Variants in PDLIM5 observed in about 807,000 individuals in gnomAD.
PDLIM5 encodes the protein PDZ and LIM domain protein 5.
Under a neutral mutation model 64.2 loss-of-function variants are expected in PDLIM5, and 34 were observed. The observed-to-expected ratio is 0.53, with a 90% CI of 0.40 to 0.71. The LOEUF (loss-of-function observed/expected upper bound fraction) is 0.71, where lower values mean the gene tolerates loss of function less well. PDLIM5 is among the 30% of genes least tolerant of loss of function. The probability of loss-of-function intolerance (pLI) is 0.00; values close to 1 mark genes in which losing one functional copy is unlikely to be tolerated. For missense variants in PDLIM5, 683 were observed against 733.6 expected (o/e 0.93, Z 0.80); for synonymous variants, 253 against 269.1 (o/e 0.94, Z 0.59).
intron 7 of PDLIM5, among the ~76,000 whole-genome samples, chr4:94,611,572 AATG>A (rs1738369104): frequency 6.6e-6 from 1 of 152,206 alleles, no homozygotes. Context: ...TGAAAATGAT[AATG>A]ATCAATTTTG....
chr4:94,609,839 A>G (rs1427270003), intron 7 of PDLIM5, among the ~76,000 whole-genome samples: 5 of 152,184 alleles, frequency 3.3e-5, no homozygotes, highest in South Asian at 4.1e-4. Flanking sequence ...TTTATTTTCT[A>G]CTAAGTTGTT....
At chr4:94,577,328 A>G (rs942537521) in intron 5 of PDLIM5, 16 of 456,400 alleles carry the variant, frequency 3.5e-5, no homozygotes, top group Non-Finnish European at 6.6e-5. Flanking sequence ...CACTGCTGCC[A>G]TGGCAACTTT....
At chr4:94,614,033 G>T (rs912178773) in intron 7 of PDLIM5, among the ~76,000 whole-genome samples, 4 of 142,788 alleles carry the variant, frequency 2.8e-5, no homozygotes, top group Non-Finnish European at 6.0e-5. Flanking sequence ...TGCGATCTCA[G>T]TTCACTGCAA....
rs181871519 is a variant in PDLIM5 at position 94,490,068 on chromosome 4, T to G, written c.97-33656T>G. Among the ~76,000 whole-genome samples, 1,134 of 150,308 alleles carry G rather than the reference T, an allele frequency of 7.5e-3. 8 individuals are homozygous for G. The highest frequency in any genetic ancestry group is 0.025 in the African/African-American group (1,011 of 41,106). On this transcript the variant is annotated intron_variant, in intron 2 of 12. Coordinates refer to ENST00000317968, the MANE Select transcript of PDLIM5 (RefSeq NM_006457.5). Reference sequence around the variant, plus strand: ...ATTTTTAAATGAATGTTTTTGTGGGTTTTTTTTTGCCTAATATATATTTTT... The same window carrying G: ...ATTTTTAAATGAATGTTTTTGTGGGGTTTTTTTTGCCTAATATATATTTTT...
chr4:94,501,924 C>T (rs1327894888), intron 2 of PDLIM5, among the ~76,000 whole-genome samples: 3 of 152,182 alleles, frequency 2.0e-5, no homozygotes, highest in African/African-American at 7.2e-5. Context: ...TCTGGATGAG[C>T]CTACTAATGG....
chr4:94,649,768 C>T (rs973739534), intron 9 of PDLIM5, among the ~76,000 whole-genome samples: 7 of 152,174 alleles, frequency 4.6e-5, no homozygotes, highest in African/African-American at 1.4e-4. Flanking sequence ...TACATTTATC[C>T]TGCTTTGCAG....
At chr4:94,639,093 A>C (rs1218282873) in intron 8 of PDLIM5, among the ~76,000 whole-genome samples, 1 of 152,164 alleles carries the variant, frequency 6.6e-6, no homozygotes. Context: ...TTAAACAATA[A>C]AGTAGTGGTT....
chr4:94,611,193 AAAAC>A (rs1738336904), intron 7 of PDLIM5: 1 of 1,534,748 alleles, frequency 6.5e-7, no homozygotes, highest in Non-Finnish European at 8.7e-7. Context: ...CCATGTTAAG[AAAAC>A]AAGGTACTGT....
At chr4:94,462,489 A>G (rs1723987885) in intron 2 of PDLIM5, among the ~76,000 whole-genome samples, 1 of 151,752 alleles carries the variant, frequency 6.6e-6, no homozygotes, top group African/African-American at 2.4e-5. Context: ...GTTCCTATTG[A>G]TAGACAATTA....
chr4:94,590,399 ATATT>A (rs1463520655), intron 7 of PDLIM5, among the ~76,000 whole-genome samples: 1 of 152,202 alleles, frequency 6.6e-6, no homozygotes, highest in East Asian at 1.9e-4. Flanking sequence ...TAAATTGTAA[ATATT>A]TACTCATTGC....
intron 3 of PDLIM5, among the ~76,000 whole-genome samples, chr4:94,559,540 A>T (rs1358240124): frequency 6.6e-6 from 1 of 152,218 alleles, no homozygotes; most frequent in African/African-American, 2.4e-5. Flanking sequence ...TTCCCTAGAA[A>T]ACAGAAGATC....
chr4:94,466,628 TA>T (rs1394669390), intron 2 of PDLIM5, among the ~76,000 whole-genome samples: 1 of 152,216 alleles, frequency 6.6e-6, no homozygotes, highest in African/African-American at 2.4e-5. Flanking sequence ...GCAAAAATGT[TA>T]AGGGTAAGTT....
chr4:94,625,741 C>T (rs1739641809), intron 8 of PDLIM5, among the ~76,000 whole-genome samples: 1 of 152,200 alleles, frequency 6.6e-6, no homozygotes, highest in Admixed American at 6.5e-5. Flanking sequence ...ACGTGAGCCA[C>T]TGCGCCCGGC....
At chr4:94,591,110 A>G (rs1283966105) in intron 7 of PDLIM5, among the ~76,000 whole-genome samples, 1 of 152,258 alleles carries the variant, frequency 6.6e-6, no homozygotes, top group Non-Finnish European at 1.5e-5. Flanking sequence ...ACTTTGGTGT[A>G]TTACATTTGA....
At chr4:94,635,834 C>T (rs1289100864) in intron 8 of PDLIM5, among the ~76,000 whole-genome samples, 2 of 152,176 alleles carry the variant, frequency 1.3e-5, no homozygotes, top group Non-Finnish European at 2.9e-5. Context: ...AATGAAACAT[C>T]ACTTTGTTCA....
intron 3 of PDLIM5, among the ~76,000 whole-genome samples, chr4:94,526,763 G>T (rs184530541): frequency 1.4e-5 from 2 of 145,448 alleles, no homozygotes; most frequent in South Asian, 2.1e-4. Flanking sequence ...ACTGAATCTC[G>T]CTCTGTCGCC....
At chr4:94,616,537 T>C (rs1259948165) in intron 7 of PDLIM5, among the ~76,000 whole-genome samples, 1 of 152,232 alleles carries the variant, frequency 6.6e-6, no homozygotes, top group African/African-American at 2.4e-5. Flanking sequence ...CACTATATTG[T>C]AATTTCAAAC....
At chr4:94,609,596 A>G (rs1473321951) in intron 7 of PDLIM5, among the ~76,000 whole-genome samples, 1 of 152,184 alleles carries the variant, frequency 6.6e-6, no homozygotes, top group East Asian at 1.9e-4. Flanking sequence ...CCCTCCTTAC[A>G]TAGCTTTACT....
intron 2 of PDLIM5, among the ~76,000 whole-genome samples, chr4:94,493,484 A>T (rs1014849815): frequency 3.3e-5 from 5 of 151,972 alleles, no homozygotes; most frequent in South Asian, 2.1e-4. Context: ...ATAAATTTTT[A>T]AAAATTTTTT....
Sources: allele counts gnomAD v4.1 joint callset (sites outside exome capture counted in the v4.1 genomes callset), GRCh38; gene constraint gnomAD v4.1.1; transcripts MANE v1.5; gene names NCBI Gene and HGNC (gene_info 2026-07-23, HGNC 2026-07-21).